The following REEP5 variants were observed in gnomAD, a reference collection of about 807,000 sequenced individuals.
The protein encoded by REEP5 is receptor accessory protein 5, also known as receptor expression-enhancing protein 5.
Under a neutral mutation model 22.4 loss-of-function variants are expected in REEP5, and 24 were observed. That is an observed-to-expected ratio of 1.07 (90% CI 0.78 to 1.51). The LOEUF is 1.51. Ranked by LOEUF, REEP5 falls within the 40% of genes most tolerant of loss-of-function variation. The pLI, the probability that REEP5 is intolerant of heterozygous loss-of-function variation, is 0.00. For missense variants in REEP5, 252 were observed against 233.0 expected (o/e 1.08, Z -0.53); for synonymous variants, 103 against 88.6 (o/e 1.16, Z -0.92).
chr5:112,901,399 A>C (rs1768838626), intron 3 of REEP5, among the ~76,000 whole-genome samples: 1 of 152,216 alleles, frequency 6.6e-6, no homozygotes. Context: ...ATCATGGAGT[A>C]CAGTTGAAAA....
At chr5:112,904,379 G>T (rs939224817) in intron 2 of REEP5, among the ~76,000 whole-genome samples, 6 of 151,300 alleles carry the variant, frequency 4.0e-5, no homozygotes, top group Non-Finnish European at 8.8e-5. Flanking sequence ...TATTTAATTG[G>T]ATTTATTTAA....
intron 3 of REEP5, among the ~76,000 whole-genome samples, chr5:112,902,087 T>G (rs1400510929): frequency 6.6e-6 from 1 of 152,022 alleles, no homozygotes; most frequent in Non-Finnish European, 1.5e-5. Flanking sequence ...TGGAGCTTCC[T>G]ATATTTAATT....
intron 3 of REEP5, 38 bp downstream of exon 3, chr5:112,902,342 A>T (rs153546): frequency 1.3e-6 from 2 of 1,575,492 alleles, no homozygotes; most frequent in East Asian, 2.3e-5. Context: ...CTATACAGGT[A>T]CTGAGATGGA....
intron 3 of REEP5, among the ~76,000 whole-genome samples, chr5:112,900,313 T>C (rs971912580): frequency 1.6e-4 from 25 of 152,366 alleles, no homozygotes; most frequent in African/African-American, 6.0e-4. Flanking sequence ...CCCACTGTCA[T>C]ATAGAAATTT....
chr5:112,915,119 C>G (rs1769202609), intron 2 of REEP5, among the ~76,000 whole-genome samples: 2 of 152,030 alleles, frequency 1.3e-5, no homozygotes, highest in Admixed American at 1.3e-4. Flanking sequence ...CAAAGTCAGT[C>G]CTGAAAAAGA....
intron 4 of REEP5, among the ~76,000 whole-genome samples, chr5:112,879,858 C>G (rs12152818): frequency 0.067 from 10,108 of 151,864 alleles, 400 homozygotes; most frequent in South Asian, 0.14. Flanking sequence ...GTGGGAAGAT[C>G]GCTTGAAGCC....
At chr5:112,921,350 G>A (rs13158169) in intron 1 of REEP5, 94 bp from the exon 2 acceptor site, 1 of 1,188,954 alleles carries the variant, frequency 8.4e-7, no homozygotes, top group Admixed American at 2.0e-5. Context: ...GCCTGTTGTA[G>A]GAGTTTTCCT....
At chr5:112,888,178 A>T (rs1450655870) in intron 3 of REEP5, among the ~76,000 whole-genome samples, 1 of 142,150 alleles carries the variant, frequency 7.0e-6, no homozygotes, top group African/African-American at 2.7e-5. Flanking sequence ...TTTAAGTCTT[A>T]GTCCTTATGA....
chr5:112,917,697 C>T (rs1448113486), intron 2 of REEP5, among the ~76,000 whole-genome samples: 1 of 152,176 alleles, frequency 6.6e-6, no homozygotes, highest in Non-Finnish European at 1.5e-5. Context: ...AGCATACACC[C>T]TCCAGAGGAC....
chr5:112,881,591 A>G (rs138399525), intron 4 of REEP5, among the ~76,000 whole-genome samples: 2 of 152,128 alleles, frequency 1.3e-5, no homozygotes, highest in East Asian at 3.9e-4. Flanking sequence ...CCCTAGTACA[A>G]ATGGATCTGG....
intron 3 of REEP5, chr5:112,891,546 T>C: frequency 4.0e-6 from 6 of 1,505,262 alleles, no homozygotes; most frequent in Non-Finnish European, 3.6e-6. Flanking sequence ...AAAATATTCA[T>C]AAGTAGAATC....
chr5:112,920,022 A>G (rs1769318888), intron 2 of REEP5, among the ~76,000 whole-genome samples: 1 of 152,194 alleles, frequency 6.6e-6, no homozygotes, highest in African/African-American at 2.4e-5. Context: ...GGGGGTCTGT[A>G]TGCTTTATTC....
At chr5:112,914,486 T>A (rs761013111) in intron 2 of REEP5, among the ~76,000 whole-genome samples, 2 of 151,980 alleles carry the variant, frequency 1.3e-5, no homozygotes, top group African/African-American at 2.4e-5. Flanking sequence ...CATCTCAGCC[T>A]CCCTGCCTGT....
At chr5:112,921,997 CT>C in intron 1 of REEP5, 75 bp downstream of exon 1, 1 of 1,518,012 alleles carries the variant, frequency 6.6e-7, no homozygotes, top group South Asian at 1.2e-5. Context: ...AGTCCTCTCC[CT>C]GCTTCCTTCC....
At chr5:112,921,572 G>A (rs1424043106) in intron 1 of REEP5, 1 of 411,580 alleles carries the variant, frequency 2.4e-6, no homozygotes. Context: ...GGGCCTGCTG[G>A]GCAGCGCTCC....
chr5:112,910,244 G>C (rs1204422738), intron 2 of REEP5, among the ~76,000 whole-genome samples: 1 of 152,156 alleles, frequency 6.6e-6, no homozygotes, highest in East Asian at 1.9e-4. Context: ...TGGAGCTGCA[G>C]TGAGCTGAGA....
intron 3 of REEP5, 100 bp downstream of exon 3, chr5:112,902,280 T>C (rs1768869204): frequency 1.6e-6 from 2 of 1,239,812 alleles, no homozygotes; most frequent in Non-Finnish European, 2.2e-6. Flanking sequence ...TTGTTTATAA[T>C]CTGAGACAGA....
At chr5:112,918,567 G>A (rs554307591) in intron 2 of REEP5, among the ~76,000 whole-genome samples, 7 of 152,302 alleles carry the variant, frequency 4.6e-5, no homozygotes, top group African/African-American at 1.7e-4. Flanking sequence ...TAAATTACTG[G>A]CAATAGTTTG....
intron 3 of REEP5, chr5:112,896,613 T>A (rs991289790): frequency 6.6e-6 from 1 of 152,140 alleles, no homozygotes; most frequent in African/African-American, 2.4e-5. Context: ...CAGGACCTAA[T>A]CTTGCCAGAG....
Sources: gnomAD v4.1 joint callset for allele counts (sites outside exome capture counted in the v4.1 genomes callset) on GRCh38, gnomAD v4.1.1 for gene constraint, MANE v1.5 for transcripts, NCBI Gene and HGNC (gene_info 2026-07-23, HGNC 2026-07-21) for gene names.